Variants in ALX4 observed in about 807,000 individuals in gnomAD.
ALX4 encodes ALX homeobox 4.
A neutral mutation model predicts 40.6 loss-of-function variants in ALX4; 22 were observed. That is an observed-to-expected ratio of 0.54 (90% confidence interval 0.39 to 0.77). The LOEUF (loss-of-function observed/expected upper bound fraction) is 0.77. Ranked by LOEUF, ALX4 falls within the 30% of genes least tolerant of loss-of-function variation. The pLI is 0.00. For synonymous variants in ALX4, 266 were observed against 240.5 expected (o/e 1.11, Z -0.98); for missense variants, 556 against 564.8 (o/e 0.98, Z 0.16).
At chr11:44,303,938 C>A (rs2119901338) in intron 1 of ALX4, among the ~76,000 whole-genome samples, 1 of 152,290 alleles carries the variant, frequency 6.6e-6, no homozygotes, top group East Asian at 1.9e-4. Context: ...TATACATCTG[C>A]AGAGAAGAGG....
intron 2 of ALX4, among the ~76,000 whole-genome samples, chr11:44,272,189 T>C (rs961555092): frequency 1.3e-5 from 2 of 152,188 alleles, no homozygotes; most frequent in Non-Finnish European, 2.9e-5. Context: ...CATCAAACAT[T>C]CATTAGGCAC....
intron 1 of ALX4, among the ~76,000 whole-genome samples, chr11:44,288,743 G>A (rs1956353231): frequency 6.6e-6 from 1 of 152,144 alleles, no homozygotes; most frequent in Non-Finnish European, 1.5e-5. Flanking sequence ...AGGAGACCAA[G>A]GTCAAGCTAC....
chr11:44,267,354 CAGG>C, intron 3 of ALX4, 137 bp downstream of exon 3: 1 of 1,145,094 alleles, frequency 8.7e-7, no homozygotes, highest in South Asian at 1.5e-5. Flanking sequence ...CTGGTATAAA[CAGG>C]CACACCCCTG....
At chr11:44,306,863 A>C (rs978210265) in intron 1 of ALX4, among the ~76,000 whole-genome samples, 5 of 152,266 alleles carry the variant, frequency 3.3e-5, no homozygotes, top group South Asian at 2.1e-4. Flanking sequence ...TCTCCATCTT[A>C]GACCTAACGC....
Position 44,284,422 on chromosome 11 carries a change from C to T in ALX4, c.467-8764G>A, listed in dbSNP as rs545890474. On this transcript the variant is annotated intron_variant, in intron 1 of 3. Transcript: ENST00000652299. ...ACTGGAATTTTAGATAAACAGTTAA[C>T]ACTTTAAACAATATAAGTATATCCC... 2.0e-5 allele frequency among the ~76,000 whole-genome samples: 3 copies of T among 152,330 alleles called. 1 individual carries two copies. In the East Asian group the frequency reaches 5.8e-4, roughly 29 times the overall value.
rs780001000 is a variant in ALX4, at chr11:44,309,728, GGCTGCT to G, written c.329_334del (p.Gln110_Gln111del). 1.3e-6 allele frequency: 2 copies of G among 1,559,240 alleles called. No individual in the cohort carries two copies. The highest frequency in any genetic ancestry group is 3.7e-5 in the Admixed American group (2 of 53,456). ...CGGTTGCGCGGGCGGCTGGGGCTGC[GGCTGCT>G]GCTGCTGCGGCTGCGGCTGCGGCGG... On this transcript the variant is annotated inframe_deletion, in exon 1 of 4. Transcript: ENST00000652299.
At chr11:44,292,412 G>A (rs1359162248) in intron 1 of ALX4, among the ~76,000 whole-genome samples, 1 of 141,990 alleles carries the variant, frequency 7.0e-6, no homozygotes, top group African/African-American at 2.6e-5. Flanking sequence ...TAGAGACGAG[G>A]TGTCACTATG....
rs1249359201 is a variant in ALX4 at position 44,260,911 on chromosome 11, CT to C, written c.*3942del. The C allele has an allele frequency of 2.0e-5, 3 of 152,126 alleles. No individual in the cohort carries two copies. The highest frequency in any genetic ancestry group is 4.4e-5 in the Non-Finnish European group (3 of 68,022). 9.4% of individuals were successfully genotyped at this position (152,126 alleles called of 1,614,324 possible). A position where few individuals can be genotyped will look rare whatever the true frequency, so the allele number is the denominator to read the frequency against. On this transcript the variant is annotated 3_prime_UTR_variant, in exon 4 of 4. Coordinates refer to ENST00000652299, the MANE Select transcript of ALX4 (RefSeq NM_021926.4). ...CTTTCTTTTTTCAACCACTGCACAC[CT>C]AAACAGATGATTAGACATTGAAAAC...
At chr11:44,282,625 C>T (rs1247759924) in intron 1 of ALX4, among the ~76,000 whole-genome samples, 3 of 152,186 alleles carry the variant, frequency 2.0e-5, no homozygotes, top group Non-Finnish European at 4.4e-5. Context: ...TCTATCCAGG[C>T]CATGGATCGA....
intron 1 of ALX4, among the ~76,000 whole-genome samples, chr11:44,284,223 G>A (rs756752684): frequency 1.5e-4 from 23 of 150,332 alleles, no homozygotes; most frequent in South Asian, 2.1e-4. Context: ...TTTTTGGGGG[G>A]CGGGGCGGGG....
Position 44,283,092 on chromosome 11 carries a change from C to G in ALX4, c.467-7434G>C, listed in dbSNP as rs56957387. ...TGAAACCCCATCTCTACTAAAAATA[C>G]AAAAATTCGTCGGGCATGGTGGCAG... On this transcript the variant is annotated intron_variant, in intron 1 of 3. Coordinates refer to ENST00000652299, the MANE Select transcript of ALX4 (RefSeq NM_021926.4). 1.5e-3 allele frequency among the ~76,000 whole-genome samples: 223 copies of G among 152,024 alleles called. 3 individuals are homozygous for G. Among genetic ancestry groups the G allele is most frequent in the African/African-American group, 4.9e-3 (202 of 41,474 alleles).
chr11:44,278,011 G>GT (rs34077997), intron 1 of ALX4, among the ~76,000 whole-genome samples: 412 of 141,896 alleles, frequency 2.9e-3, no homozygotes, highest in Middle Eastern at 7.1e-3. Context: ...TATGTTTTAG[G>GT]TTTTTTTTTT....
chr11:44,284,090 T>C (rs1011940597), intron 1 of ALX4, among the ~76,000 whole-genome samples: 3 of 152,222 alleles, frequency 2.0e-5, no homozygotes, highest in African/African-American at 7.2e-5. Flanking sequence ...ATGTTCAATT[T>C]ATATCAAATA....
chr11:44,297,053 C>T (rs532901745), intron 1 of ALX4, among the ~76,000 whole-genome samples: 1 of 147,310 alleles, frequency 6.8e-6, no homozygotes, highest in East Asian at 2.0e-4. Flanking sequence ...TAGGAAAATC[C>T]ACAGAGAGAG....
intron 1 of ALX4, among the ~76,000 whole-genome samples, chr11:44,300,528 C>T (rs1323225571): frequency 1.3e-5 from 2 of 152,148 alleles, no homozygotes; most frequent in Admixed American, 1.3e-4. Flanking sequence ...CTGATCAGAA[C>T]CCCACCACTA....
At chr11:44,278,405 C>A (rs1956290165) in intron 1 of ALX4, among the ~76,000 whole-genome samples, 1 of 152,196 alleles carries the variant, frequency 6.6e-6, no homozygotes, top group Admixed American at 6.5e-5. Flanking sequence ...GCAGAAGGAA[C>A]CCAGGGGCCT....
chr11:44,281,815 A>G (rs1429389193), intron 1 of ALX4, among the ~76,000 whole-genome samples: 1 of 152,204 alleles, frequency 6.6e-6, no homozygotes, highest in Non-Finnish European at 1.5e-5. Context: ...CCAAAGGGGT[A>G]GTAGTGACTG....
intron 1 of ALX4, among the ~76,000 whole-genome samples, chr11:44,296,279 A>G (rs930032538): frequency 5.3e-5 from 8 of 152,210 alleles, no homozygotes; most frequent in African/African-American, 1.9e-4. Flanking sequence ...GAAGTTGGAG[A>G]GCCTTATGTT....
chr11:44,287,955 CAT>C (rs2119843293), intron 1 of ALX4, among the ~76,000 whole-genome samples: 1 of 152,314 alleles, frequency 6.6e-6, no homozygotes, highest in South Asian at 2.1e-4. Context: ...GCATATGAGT[CAT>C]ATGTCTGCAA....
Sources: allele counts gnomAD v4.1 joint callset (sites outside exome capture counted in the v4.1 genomes callset), GRCh38; gene constraint gnomAD v4.1.1; transcripts MANE v1.5; gene names NCBI Gene and HGNC (gene_info 2026-07-23, HGNC 2026-07-21).